The following PRKCH variants were observed in gnomAD, a reference collection of about 807,000 sequenced individuals.
The protein encoded by PRKCH is protein kinase C eta.
PRKCH carries 28 observed loss-of-function variants against 82.5 expected under a neutral mutation model. That is an observed-to-expected ratio of 0.34 (90% CI 0.25 to 0.47). The LOEUF (loss-of-function observed/expected upper bound fraction) is 0.47, where lower values mean the gene tolerates loss of function less well. Ranked by LOEUF, PRKCH falls within the 20% of genes least tolerant of loss-of-function variation. PRKCH has a pLI of 1.00. For missense variants in PRKCH, 705 were observed against 881.8 expected, an observed-to-expected ratio of 0.80 and a Z score of 2.54; for synonymous variants, 322 against 327.4, an observed-to-expected ratio of 0.98 and a Z score of 0.18.
intron 1 of PRKCH, among the ~76,000 whole-genome samples, chr14:61,188,951 C>T (rs1325010790): frequency 6.6e-6 from 1 of 152,054 alleles, no homozygotes; most frequent in African/African-American, 2.4e-5. Flanking sequence ...AACTACTGAC[C>T]TCAGATGATC....
intron 1 of PRKCH, among the ~76,000 whole-genome samples, chr14:61,354,958 A>G (rs1009687900): frequency 6.6e-6 from 1 of 152,264 alleles, no homozygotes. Flanking sequence ...TCAAATGAGT[A>G]CTTGCATAAA....
In PRKCH at chr14:61,280,066, C is replaced by T. The variant is rs1327064555; in HGVS notation, c.-19+92398C>T. The T allele has an allele frequency of 6.3e-7, 1 of 1,575,082 alleles. No homozygotes were observed. The highest frequency in any genetic ancestry group is 8.6e-7 in the Non-Finnish European group (1 of 1,160,888). On this transcript the variant is annotated intron_variant, in intron 1 of 3. Coordinates refer to the PRKCH transcript ENST00000555185. The surrounding 1 kb of genome is among the most constrained non-coding windows in gnomAD (Gnocchi z 5.0). ...ACCTTGCAAGAGTTTTGGCAAGAAG[C>T]AGGAGGGATCCCTGGAAAGCCGGAA...
At chr14:61,309,920 C>A (rs866273186) in intron 1 of PRKCH, among the ~76,000 whole-genome samples, 1 of 143,276 alleles carries the variant, frequency 7.0e-6, no homozygotes, top group African/African-American at 2.6e-5. Context: ...GAAGCAGGCA[C>A]ATCTTACATG....
intron 1 of PRKCH, among the ~76,000 whole-genome samples, chr14:61,387,313 C>T (rs1566851631): frequency 6.6e-6 from 1 of 152,216 alleles, no homozygotes; most frequent in Admixed American, 6.5e-5. Flanking sequence ...ATCTGCTAGG[C>T]CTGCTCACAT....
At chr14:61,338,638 A>G (rs2045889349) in intron 1 of PRKCH, among the ~76,000 whole-genome samples, 1 of 152,174 alleles carries the variant, frequency 6.6e-6, no homozygotes. Flanking sequence ...AGAACAGGAC[A>G]CCAACAGGGG....
At chr14:61,439,242 A>G (rs1883829078) in intron 2 of PRKCH, among the ~76,000 whole-genome samples, 1 of 152,174 alleles carries the variant, frequency 6.6e-6, no homozygotes, top group Non-Finnish European at 1.5e-5. Flanking sequence ...ACAATGAGGA[A>G]GTTCCCTCTG....
intron 1 of PRKCH, among the ~76,000 whole-genome samples, chr14:61,198,662 A>C (rs1053683364): frequency 2.0e-5 from 3 of 152,192 alleles, no homozygotes; most frequent in African/African-American, 7.2e-5. Context: ...TTTTCTTTGA[A>C]TGAAGGAGTA....
intron 10 of PRKCH, among the ~76,000 whole-genome samples, chr14:61,507,390 T>G (rs927554300): frequency 1.3e-5 from 2 of 151,986 alleles, no homozygotes; most frequent in African/African-American, 4.8e-5. Flanking sequence ...CTCAAAAAAA[T>G]TACAAATAGA....
At chr14:61,340,950 T>TTC (rs1414383146) in intron 1 of PRKCH, among the ~76,000 whole-genome samples, 1 of 152,220 alleles carries the variant, frequency 6.6e-6, no homozygotes, top group Non-Finnish European at 1.5e-5. Context: ...CTGACTCAAT[T>TTC]TCTTCTTTTC....
At chr14:61,465,702 C>T (rs1018473981) in intron 9 of PRKCH, among the ~76,000 whole-genome samples, 7 of 152,036 alleles carry the variant, frequency 4.6e-5, no homozygotes, top group Admixed American at 1.3e-4. Context: ...GCTTTGATGT[C>T]GTGCATTATT....
chr14:61,419,855 C>T (rs571141034), intron 2 of PRKCH, among the ~76,000 whole-genome samples: 55 of 152,326 alleles, frequency 3.6e-4, no homozygotes, highest in African/African-American at 1.2e-3. Context: ...GGATGTGTAG[C>T]ATAAGGGAAG....
intron 1 of PRKCH, among the ~76,000 whole-genome samples, chr14:61,192,613 T>G (rs1181667246): frequency 1.3e-5 from 2 of 152,186 alleles, no homozygotes; most frequent in East Asian, 3.8e-4. Flanking sequence ...GTCAGGGTAG[T>G]GCCCTTGGTA....
chr14:61,507,241 A>G (rs1271719243), intron 10 of PRKCH, among the ~76,000 whole-genome samples: 1 of 152,200 alleles, frequency 6.6e-6, no homozygotes, highest in East Asian at 1.9e-4. Context: ...ACAATGAAAT[A>G]TCACCTCATA....
At chr14:61,370,162 C>T (rs1028316953) in intron 1 of PRKCH, among the ~76,000 whole-genome samples, 3 of 151,974 alleles carry the variant, frequency 2.0e-5, no homozygotes, top group Admixed American at 6.6e-5. Context: ...CAGGCTGCCT[C>T]GAACTCCTGA....
intron 10 of PRKCH, 101 bp from the exon 11 acceptor site, chr14:61,528,974 G>A (rs1022512464): frequency 4.4e-6 from 3 of 683,534 alleles, no homozygotes; most frequent in African/African-American, 1.1e-4. Context: ...GTGGCCGCAC[G>A]TGTGTGTGTG....
chr14:61,362,501 A>G (rs2046241195), intron 1 of PRKCH, among the ~76,000 whole-genome samples: 1 of 152,224 alleles, frequency 6.6e-6, no homozygotes, highest in South Asian at 2.1e-4. Flanking sequence ...CTGAGTAATA[A>G]CAAATCCATC....
intron 1 of PRKCH, among the ~76,000 whole-genome samples, chr14:61,231,760 T>A (rs764817941): frequency 2.1e-4 from 32 of 152,180 alleles, no homozygotes; most frequent in Middle Eastern, 3.4e-3. Flanking sequence ...AATGTAGAGA[T>A]CTTCTCTCCC....
chr14:61,446,256 C>T (rs1884219510), intron 4 of PRKCH, among the ~76,000 whole-genome samples: 1 of 150,984 alleles, frequency 6.6e-6, no homozygotes, highest in Admixed American at 6.6e-5. Flanking sequence ...ATTTAGTTTT[C>T]ACAATCTAAG....
intron 12 of PRKCH, chr14:61,537,781 G>A (rs548515510): frequency 1.3e-5 from 2 of 152,376 alleles, no homozygotes; most frequent in South Asian, 2.1e-4. Context: ...CTTGGCATCA[G>A]AAGGAGATTA....
Sources: allele counts gnomAD v4.1 joint callset (sites outside exome capture counted in the v4.1 genomes callset), GRCh38; gene constraint gnomAD v4.1.1; non-coding constraint Gnocchi (gnomAD v3.1); transcripts MANE v1.5; gene names NCBI Gene and HGNC (gene_info 2026-07-23, HGNC 2026-07-21).